The following TBK1 variants were observed in gnomAD, a reference collection of about 807,000 sequenced individuals.
TBK1 encodes TANK binding kinase 1.
TBK1 carries 37 observed loss-of-function variants against 99.9 expected under a neutral mutation model. That is an observed-to-expected ratio of 0.37 (90% CI 0.28 to 0.49). The LOEUF is 0.49. Ranked by LOEUF, TBK1 falls within the 20% of genes least tolerant of loss-of-function variation. The pLI, the probability that TBK1 is intolerant of heterozygous loss-of-function variation, is 0.98. For missense variants in TBK1, 644 were observed against 872.5 expected (o/e 0.74, Z 3.30); for synonymous variants, 258 against 279.8 (o/e 0.92, Z 0.78).
intron 19 of TBK1, 71 bp downstream of exon 19, chr12:64,497,825 A>T: frequency 2.1e-6 from 3 of 1,437,856 alleles, no homozygotes; most frequent in Admixed American, 2.0e-5. Context: ...TTTTGCTCTT[A>T]CATTTTGAAA....
intron 4 of TBK1, among the ~76,000 whole-genome samples, chr12:64,465,059 C>A (rs1004130608): frequency 6.6e-5 from 10 of 151,810 alleles, no homozygotes; most frequent in Admixed American, 4.6e-4. Context: ...GCCTGAGCAA[C>A]ACAGTGAGCC....
chr12:64,476,034 T>G (rs2040708517), intron 6 of TBK1, among the ~76,000 whole-genome samples: 1 of 152,148 alleles, frequency 6.6e-6, no homozygotes, highest in Non-Finnish European at 1.5e-5. Context: ...GTTACTTTTT[T>G]TTATTTTTTT....
chr12:64,466,944 T>C lies in TBK1; in HGVS notation c.402T>C (p.Arg134=), dbSNP rs2040611690. The C allele has an allele frequency of 1.2e-6, 2 of 1,611,756 alleles. No homozygotes were observed. The highest frequency in any genetic ancestry group is 1.3e-5 in the African/African-American group (1 of 74,784). ...NHLRENGIVH[R]DIKPGNIMRV... ...TACGAGAGAATGGTATAGTGCACCG[T>C]GATATCAAGCCAGGAAATATCATGC... Residue 134 remains arginine (R), a synonymous_variant, in exon 5 of 21, where the codon CGT becomes CGC. Transcript: ENST00000331710.
At chr12:64,467,113 A>C (rs759418023) in intron 5 of TBK1, 31 bp downstream of exon 5, 1 of 1,490,966 alleles carries the variant, frequency 6.7e-7, no homozygotes, top group South Asian at 1.4e-5. Context: ...ATTTTCATTT[A>C]AAGAAGCTTG....
intron 1 of TBK1, among the ~76,000 whole-genome samples, chr12:64,454,327 A>G (rs1161071661): frequency 6.6e-6 from 1 of 151,922 alleles, no homozygotes; most frequent in African/African-American, 2.4e-5. Context: ...GCTCACTGCA[A>G]CCTCTGCCTC....
chr12:64,493,290 C>T (rs1283484751), intron 13 of TBK1, among the ~76,000 whole-genome samples: 1 of 152,066 alleles, frequency 6.6e-6, no homozygotes. Flanking sequence ...AAAAATGATG[C>T]TTAAAAGTTT....
chr12:64,483,056 T>C (rs987854864), intron 8 of TBK1, among the ~76,000 whole-genome samples: 30 of 152,226 alleles, frequency 2.0e-4, no homozygotes, highest in African/African-American at 7.2e-4. Context: ...TGCATGTGAA[T>C]CTACAGTGAT....
intron 15 of TBK1, chr12:64,496,032 G>A (rs763394974): frequency 5.0e-6 from 2 of 399,604 alleles, no homozygotes; most frequent in Non-Finnish European, 8.9e-6. Context: ...AGAAAGGAAT[G>A]AGATTGGCCA....
intron 3 of TBK1, among the ~76,000 whole-genome samples, chr12:64,462,414 A>G (rs2040557080): frequency 6.6e-6 from 1 of 152,252 alleles, no homozygotes; most frequent in African/African-American, 2.4e-5. Context: ...TATGATCTTA[A>G]CATATACAGT....
intron 15 of TBK1, 34 bp from the exon 16 acceptor site, chr12:64,496,333 T>A (rs777930390): frequency 2.9e-6 from 3 of 1,029,468 alleles, no homozygotes; most frequent in Non-Finnish European, 4.3e-6. Context: ...TATGATTCTA[T>A]ATTAACAACA....
intron 20 of TBK1, among the ~76,000 whole-genome samples, chr12:64,500,450 A>T (rs2040977237): frequency 6.6e-6 from 1 of 152,098 alleles, no homozygotes; most frequent in Admixed American, 6.6e-5. Flanking sequence ...CATATGTGAT[A>T]TATGGTAATA....
Position 64,497,992 on chromosome 12 carries a change from G to A in TBK1, c.2091G>A (p.Met697Ile), listed in dbSNP as rs1435473023. ...TLGMKKLKEE[M>I]EGVVKELAEN... ...GTATGAAGAAATTAAAGGAAGAGAT[G>A]GAAGGGGTGGTTAAAGAACTTGCTG... The change falls in exon 20 of 21, where the codon ATG becomes ATA. Residue 697 changes from methionine to isoleucine, a missense_variant. Around this residue, in one of 3 missense-constraint regions of TBK1, gnomAD observed 465 missense variants for 588.0 expected, o/e 0.79. Coordinates refer to ENST00000331710, the MANE Select transcript of TBK1 (RefSeq NM_013254.4). The A allele has an allele frequency of 6.2e-7, 1 of 1,601,184 alleles. No homozygotes were observed. Among genetic ancestry groups the A allele is most frequent in the Non-Finnish European group, 8.5e-7 (1 of 1,176,932 alleles).
Position 64,464,406 on chromosome 12 carries a change from C to G in TBK1, c.301C>G (p.Pro101Ala), listed in dbSNP as rs371955059. The G allele has an allele frequency of 8.7e-6, 14 of 1,605,104 alleles. No individual in the cohort carries two copies. In the South Asian group the frequency reaches 1.3e-4, roughly 15 times the overall value. The change falls in exon 4 of 21, where the codon CCT (proline) becomes GCT (alanine). Residue 101 changes from proline (P) to alanine (A), a missense_variant. Pro to Ala is a conservative substitution (Grantham distance 27, BLOSUM62 -1). This residue lies in a region of TBK1 where 148 missense variants were observed against 202.1 expected (regional missense o/e 0.73). Transcript: ENST00000331710. ...CGSLYTVLEEPSNAYGLPESE... is the reference protein window; with the variant it reads ...CGSLYTVLEEASNAYGLPESE... ...GAGTTTATACACTGTTTTAGAAGAA[C>G]CTTCTAATGCCTATGGACTACCAGA...
intron 3 of TBK1, among the ~76,000 whole-genome samples, chr12:64,460,833 A>G (rs558224481): frequency 1.4e-5 from 2 of 139,304 alleles, no homozygotes; most frequent in Non-Finnish European, 3.1e-5. Flanking sequence ...ACTCCATCTC[A>G]AAAAAAAAAA....
intron 5 of TBK1, among the ~76,000 whole-genome samples, chr12:64,469,792 C>CT (rs556120101): frequency 0.31 from 46,493 of 148,986 alleles, 7,570 homozygotes; most frequent in East Asian, 0.56. Context: ...TCACCCAGTA[C>CT]TTTTTTTTTT....
intron 7 of TBK1, among the ~76,000 whole-genome samples, chr12:64,481,138 G>A (rs1213031542): frequency 6.6e-6 from 1 of 152,104 alleles, no homozygotes; most frequent in Non-Finnish European, 1.5e-5. Flanking sequence ...TATTATAACT[G>A]TGATTTGTGT....
intron 14 of TBK1, 35 bp from the exon 15 acceptor site, chr12:64,495,664 C>T: frequency 6.2e-7 from 1 of 1,612,208 alleles, no homozygotes; most frequent in Non-Finnish European, 8.5e-7. Context: ...CACATTGACT[C>T]AGTTAATTTA....
chr12:64,465,383 A>G (rs1350784860), intron 4 of TBK1, among the ~76,000 whole-genome samples: 2 of 152,078 alleles, frequency 1.3e-5, no homozygotes, highest in Non-Finnish European at 2.9e-5. Flanking sequence ...ATATAGAATT[A>G]TTTAACTTTT....
intron 5 of TBK1, among the ~76,000 whole-genome samples, chr12:64,472,398 T>C (rs2040671848): frequency 6.6e-6 from 1 of 151,944 alleles, no homozygotes; most frequent in African/African-American, 2.4e-5. Context: ...AATCCTACAA[T>C]GTCATAAGGA....
Sources: allele counts gnomAD v4.1 joint callset (sites outside exome capture counted in the v4.1 genomes callset), GRCh38; gene constraint gnomAD v4.1.1; regional missense constraint gnomAD v4.1.1; transcripts MANE v1.5; gene names NCBI Gene and HGNC (gene_info 2026-07-23, HGNC 2026-07-21).